GRIN2A: variants seen among roughly 807,000 people sequenced by gnomAD.
The protein encoded by GRIN2A is glutamate receptor ionotropic, NMDA 2A.
GRIN2A carries 22 observed loss-of-function variants against 113.4 expected under a neutral mutation model. That is an observed-to-expected ratio of 0.19 (90% CI 0.14 to 0.28). The LOEUF is 0.28. Ranked by LOEUF, GRIN2A falls within the 10% of genes least tolerant of loss-of-function variation. GRIN2A has a pLI of 1.00. For missense variants in GRIN2A, 1,502 were observed against 1,887.0 expected (o/e 0.80, Z 3.78); for synonymous variants, 827 against 738.4 (o/e 1.12, Z -1.94).
chr16:10,003,893 T>C (rs1475078859), intron 2 of GRIN2A, among the ~76,000 whole-genome samples: 2 of 152,132 alleles, frequency 1.3e-5, no homozygotes, highest in African/African-American at 4.8e-5. Flanking sequence ...TTATTTCAGG[T>C]AATGGATCAT....
chr16:9,846,691 G>A (rs1168853596), intron 5 of GRIN2A, among the ~76,000 whole-genome samples: 2 of 152,120 alleles, frequency 1.3e-5, no homozygotes, highest in Non-Finnish European at 2.9e-5. Context: ...AGGTGATGAG[G>A]GTAGAGAGAG....
At chr16:10,000,415 G>C (rs1375258021) in intron 2 of GRIN2A, among the ~76,000 whole-genome samples, 1 of 152,106 alleles carries the variant, frequency 6.6e-6, no homozygotes, top group Non-Finnish European at 1.5e-5. Flanking sequence ...CAGCTATCAA[G>C]AGAAAGGGTA....
In GRIN2A at chr16:9,831,562, C is replaced by G. The variant is rs560887695; in HGVS notation, c.1778-1910G>C. 2.1e-5 allele frequency among the ~76,000 whole-genome samples: 3 copies of G among 145,648 alleles called. No individual in the cohort carries two copies. In the Admixed American group the frequency reaches 2.1e-4, roughly 10 times the overall value. ...ATGGAGTCTTGCTCTGTCACTCAGG[C>G]TGCAGTGCAGTGGCACAATCTCGGC... On this transcript the variant is annotated intron_variant, in intron 8 of 12. Transcript: ENST00000330684.
intron 2 of GRIN2A, among the ~76,000 whole-genome samples, chr16:10,034,433 G>A (rs1361993202): frequency 4.7e-5 from 7 of 150,070 alleles, no homozygotes; most frequent in Non-Finnish European, 1.0e-4. Context: ...GCTGAGGCAG[G>A]AGAAGTGCTT....
intron 8 of GRIN2A, among the ~76,000 whole-genome samples, chr16:9,832,605 G>A (rs1431386503): frequency 6.6e-6 from 1 of 152,008 alleles, no homozygotes; most frequent in African/African-American, 2.4e-5. Context: ...GTGCCTCCTG[G>A]CACGTAGTAC....
chr16:10,038,205 T>TGGAA (rs1211752671), intron 2 of GRIN2A, among the ~76,000 whole-genome samples: 1 of 152,168 alleles, frequency 6.6e-6, no homozygotes, highest in African/African-American at 2.4e-5. Context: ...GTCCTCACAG[T>TGGAA]GGAAGGGTCT....
At chr16:10,112,550 A>G in intron 2 of GRIN2A, 1 of 783,476 alleles carries the variant, frequency 1.3e-6, no homozygotes, top group Non-Finnish European at 2.3e-6. Flanking sequence ...CCTGCTGGCC[A>G]CCACCACGGA....
chr16:9,999,059 C>T lies in GRIN2A; in HGVS notation c.415-60508G>A, dbSNP rs145731903. On this transcript the variant is annotated intron_variant, in intron 2 of 12. Transcript: ENST00000330684. ...TTAGAGGTTCCAACAACTCACAATT[C>T]CTATTATACAAGTGTAGTATTTTCC... 3.6e-3 allele frequency among the ~76,000 whole-genome samples: 545 copies of T among 152,254 alleles called. 2 individuals are homozygous for T. The highest frequency in any genetic ancestry group is 0.012 in the African/African-American group (507 of 41,552).
At chr16:9,772,350 G>C (rs1054470277) in intron 11 of GRIN2A, among the ~76,000 whole-genome samples, 7 of 152,038 alleles carry the variant, frequency 4.6e-5, no homozygotes. Flanking sequence ...TGCTGTTGAC[G>C]TCCCCCCTCC....
intron 3 of GRIN2A, among the ~76,000 whole-genome samples, chr16:9,936,098 T>G (rs1240845066): frequency 6.6e-6 from 1 of 152,222 alleles, no homozygotes; most frequent in Non-Finnish European, 1.5e-5. Context: ...ACAGTACTTT[T>G]CATGCGGCAC....
intron 2 of GRIN2A, among the ~76,000 whole-genome samples, chr16:9,992,306 A>G (rs1426048755): frequency 2.0e-5 from 3 of 152,162 alleles, no homozygotes; most frequent in Non-Finnish European, 2.9e-5. Context: ...TGGATGAGGT[A>G]AAGAGGAGGC....
At chr16:10,022,015 T>C (rs2937028) in intron 2 of GRIN2A, among the ~76,000 whole-genome samples, 119,831 of 152,026 alleles carry the variant, frequency 0.79, 47,952 homozygotes, top group Non-Finnish European at 0.85. Context: ...TAATACCTCA[T>C]ACAGAACACC....
At chr16:10,109,905 TTTA>T (rs953781356) in intron 2 of GRIN2A, among the ~76,000 whole-genome samples, 1 of 151,916 alleles carries the variant, frequency 6.6e-6, no homozygotes, top group Non-Finnish European at 1.5e-5. Flanking sequence ...TTTTTTTAAT[TTTA>T]TTATTATTAT....
chr16:10,013,943 A>AC (rs375528711), intron 2 of GRIN2A, among the ~76,000 whole-genome samples: 32 of 152,322 alleles, frequency 2.1e-4, no homozygotes, highest in African/African-American at 6.7e-4. Context: ...GCCGTCTCAG[A>AC]CCAGCTACCA....
At position 10,144,188 on chromosome 16, in the gene GRIN2A, A is replaced by T. The variant is rs549665184; in HGVS notation, c.414+35810T>A. On this transcript the variant is annotated intron_variant, in intron 2 of 12. Transcript: ENST00000330684. Reference sequence around the variant, plus strand: ...AAAAACCACAATTACTTTTGCACCAACCGATAATAAAAATTTAAAAATTTT... The same window carrying T: ...AAAAACCACAATTACTTTTGCACCATCCGATAATAAAAATTTAAAAATTTT... Among the ~76,000 whole-genome samples, 3 of 152,232 alleles carry T rather than the reference A, an allele frequency of 2.0e-5. No homozygotes were observed. In the East Asian group the frequency reaches 5.8e-4, roughly 29 times the overall value.
chr16:10,082,734 C>A (rs1190221261), intron 2 of GRIN2A, among the ~76,000 whole-genome samples: 1 of 152,188 alleles, frequency 6.6e-6, no homozygotes, highest in African/African-American at 2.4e-5. Flanking sequence ...ATGGGTGTCA[C>A]CTGCTAAGTT....
At chr16:10,057,089 G>A (rs567764222) in intron 2 of GRIN2A, among the ~76,000 whole-genome samples, 7 of 151,528 alleles carry the variant, frequency 4.6e-5, no homozygotes, top group African/African-American at 1.7e-4. Context: ...ATCCAACCAT[G>A]CATCCATCTA....
intron 2 of GRIN2A, among the ~76,000 whole-genome samples, chr16:10,128,128 G>T (rs894867483): frequency 6.6e-6 from 1 of 152,196 alleles, no homozygotes; most frequent in Non-Finnish European, 1.5e-5. Context: ...TGCTGAGAAG[G>T]TGGCACTGTC....
intron 11 of GRIN2A, among the ~76,000 whole-genome samples, chr16:9,793,053 G>C (rs1205582818): frequency 6.6e-6 from 1 of 152,190 alleles, no homozygotes; most frequent in Non-Finnish European, 1.5e-5. Flanking sequence ...ATCCTCACGT[G>C]ATTCTTGCTC....
Sources: gnomAD v4.1 joint callset for allele counts (sites outside exome capture counted in the v4.1 genomes callset) on GRCh38, gnomAD v4.1.1 for gene constraint, MANE v1.5 for transcripts, NCBI Gene and HGNC (gene_info 2026-07-23, HGNC 2026-07-21) for gene names.